NAALADL2: variants seen among roughly 807,000 people sequenced by gnomAD.
NAALADL2 encodes the protein inactive N-acetylated-alpha-linked acidic dipeptidase-like protein 2.
NAALADL2 carries 76 observed loss-of-function variants against 87.2 expected under a neutral mutation model. That is an observed-to-expected ratio of 0.87 (90% CI 0.72 to 1.05). The LOEUF (loss-of-function observed/expected upper bound fraction) is 1.05. Ranked by LOEUF, NAALADL2 falls within the 50% of genes least tolerant of loss-of-function variation. The pLI is 0.00. For synonymous variants in NAALADL2, 354 were observed against 331.0 expected, an observed-to-expected ratio of 1.07 and a Z score of -0.75; for missense variants, 1,089 against 945.8, an observed-to-expected ratio of 1.15 and a Z score of -1.99.
chr3:174,598,592 C>A (rs958929354), intron 2 of NAALADL2, among the ~76,000 whole-genome samples: 5 of 152,230 alleles, frequency 3.3e-5, no homozygotes, highest in African/African-American at 1.2e-4. Flanking sequence ...GACATACTCC[C>A]AGTGTCCTGA....
At chr3:174,679,310 A>G (rs1727317225) in intron 2 of NAALADL2, among the ~76,000 whole-genome samples, 1 of 152,160 alleles carries the variant, frequency 6.6e-6, no homozygotes, top group Admixed American at 6.6e-5. Context: ...AATGATGTCT[A>G]AACTGGTATG....
chr3:175,052,344 T>A (rs1755513440), intron 1 of NAALADL2, among the ~76,000 whole-genome samples: 2 of 152,228 alleles, frequency 1.3e-5, no homozygotes, highest in Admixed American at 1.3e-4. Context: ...ATTTTATTTA[T>A]GGCAAGTTTT....
chr3:175,631,489 A>G (rs544034365), intron 11 of NAALADL2, among the ~76,000 whole-genome samples: 1 of 147,330 alleles, frequency 6.8e-6, no homozygotes, highest in Admixed American at 6.8e-5. Context: ...TTGTCTTGGC[A>G]CTTGTCTTTT....
chr3:174,793,087 A>G (rs1263398821), intron 3 of NAALADL2, among the ~76,000 whole-genome samples: 4 of 152,164 alleles, frequency 2.6e-5, no homozygotes, highest in African/African-American at 9.6e-5. Flanking sequence ...GGCAAAGATA[A>G]CAATGTCCTT....
At chr3:175,530,683 G>A (rs1477932463) in intron 9 of NAALADL2, among the ~76,000 whole-genome samples, 2 of 152,228 alleles carry the variant, frequency 1.3e-5, no homozygotes, top group Non-Finnish European at 2.9e-5. Context: ...TAGGGTAGCA[G>A]GAGTGGAGAC....
intron 1 of NAALADL2, among the ~76,000 whole-genome samples, chr3:174,996,993 G>GGTGTGTGT (rs34590643): frequency 2.5e-5 from 3 of 121,574 alleles, no homozygotes; most frequent in East Asian, 2.4e-4. Context: ...TATTCCAAGG[G>GGTGTGTGT]GTGTGTGTGT....
chr3:174,798,973 C>T (rs900340354), intron 3 of NAALADL2, among the ~76,000 whole-genome samples: 4 of 151,946 alleles, frequency 2.6e-5, no homozygotes, highest in Non-Finnish European at 5.9e-5. Flanking sequence ...AGTTCAAGAC[C>T]AGCCTGGTCA....
chr3:174,927,576 A>C (rs1416326771), intron 1 of NAALADL2, among the ~76,000 whole-genome samples: 2 of 152,208 alleles, frequency 1.3e-5, no homozygotes, highest in Non-Finnish European at 2.9e-5. Flanking sequence ...ACTCAACTAC[A>C]TGGAAACTGA....
At chr3:174,911,940 A>G (rs1032926828) in intron 1 of NAALADL2, among the ~76,000 whole-genome samples, 10 of 152,264 alleles carry the variant, frequency 6.6e-5, no homozygotes, top group African/African-American at 2.4e-4. Context: ...AGACAGACTT[A>G]TAGCTGTCTT....
intron 3 of NAALADL2, among the ~76,000 whole-genome samples, chr3:174,844,181 G>A (rs1291761005): frequency 6.6e-6 from 1 of 152,012 alleles, no homozygotes; most frequent in African/African-American, 2.4e-5. Flanking sequence ...ACTATTTTTA[G>A]TTTATTTTTG....
intron 3 of NAALADL2, among the ~76,000 whole-genome samples, chr3:174,850,768 A>G (rs1398991029): frequency 6.6e-6 from 1 of 152,146 alleles, no homozygotes; most frequent in East Asian, 1.9e-4. Flanking sequence ...TGAATCTAAT[A>G]GACATTTACA....
At chr3:174,737,006 G>A (rs959426068) in intron 2 of NAALADL2, among the ~76,000 whole-genome samples, 4 of 152,220 alleles carry the variant, frequency 2.6e-5, no homozygotes, top group African/African-American at 9.6e-5. Context: ...TTTGCCCCAT[G>A]ATCAAAGCAT....
chr3:174,826,039 A>G (rs1273641891), intron 3 of NAALADL2, among the ~76,000 whole-genome samples: 1 of 150,498 alleles, frequency 6.6e-6, no homozygotes, highest in East Asian at 1.9e-4. Flanking sequence ...AACAACAACA[A>G]CAACAACAAC....
At chr3:175,470,266 G>C (rs773528726) in intron 8 of NAALADL2, among the ~76,000 whole-genome samples, 13 of 152,014 alleles carry the variant, frequency 8.6e-5, no homozygotes, top group Non-Finnish European at 1.6e-4. Flanking sequence ...GGAGAAAATG[G>C]TCAACTTCTA....
At chr3:175,227,548 T>C (rs1560193533) in intron 2 of NAALADL2, among the ~76,000 whole-genome samples, 1 of 152,016 alleles carries the variant, frequency 6.6e-6, no homozygotes, top group Non-Finnish European at 1.5e-5. Context: ...AAACTTAGAT[T>C]ATATTGCAGT....
At position 175,053,788 on chromosome 3, in the gene NAALADL2, G is replaced by A. The variant is rs141555856; in HGVS notation, c.44-43002G>A. ...TGTACCATTTGGCAAGTTGGGCATC[G>A]CTGGATAATAGCTTAACTTCTTTCC... On this transcript the variant is annotated intron_variant, in intron 1 of 13. Coordinates refer to ENST00000454872, the MANE Select transcript of NAALADL2 (RefSeq NM_207015.3). Among the ~76,000 whole-genome samples the A allele has an allele frequency of 2.4e-3, 359 of 152,294 alleles. 1 individual carries two copies. Among genetic ancestry groups the A allele is most frequent in the African/African-American group, 7.7e-3 (320 of 41,560 alleles).
chr3:175,205,468 T>C (rs1216982353), intron 2 of NAALADL2, among the ~76,000 whole-genome samples: 1 of 152,104 alleles, frequency 6.6e-6, no homozygotes, highest in Non-Finnish European at 1.5e-5. Context: ...AGTACCTAAA[T>C]CTAAGATGTG....
At chr3:175,391,977 T>G (rs1295729956) in intron 5 of NAALADL2, among the ~76,000 whole-genome samples, 1 of 152,146 alleles carries the variant, frequency 6.6e-6, no homozygotes, top group East Asian at 1.9e-4. Context: ...CATCGCAACC[T>G]CCCTATGAGG....
chr3:175,602,229 C>G (rs1469445210), intron 10 of NAALADL2, among the ~76,000 whole-genome samples: 2 of 151,986 alleles, frequency 1.3e-5, no homozygotes, highest in East Asian at 1.9e-4. Flanking sequence ...GTTTAGTATA[C>G]AGGTGAATAT....
Sources: gnomAD v4.1 joint callset for allele counts (sites outside exome capture counted in the v4.1 genomes callset) on GRCh38, gnomAD v4.1.1 for gene constraint, MANE v1.5 for transcripts, NCBI Gene and HGNC (gene_info 2026-07-23, HGNC 2026-07-21) for gene names.